Variants in GALC observed in about 807,000 individuals in gnomAD.
GALC encodes the protein galactosylceramidase.
GALC carries 77 observed loss-of-function variants against 91.8 expected under a neutral mutation model. The ratio of observed to expected loss-of-function variants is 0.84; its 90% CI spans 0.70 to 1.01. The LOEUF is 1.01. Among genes scored for constraint, GALC ranks in the 50% least tolerant of loss-of-function variants. The probability of loss-of-function intolerance (pLI) is 0.00; values close to 1 mark genes in which losing one functional copy is unlikely to be tolerated. For missense variants in GALC, 882 were observed against 855.9 expected (o/e 1.03, Z -0.38); for synonymous variants, 357 against 306.7 (o/e 1.16, Z -1.71).
chr14:87,945,487 CA>C, intron 14 of GALC, 65 bp downstream of exon 14: 1 of 1,218,310 alleles, frequency 8.2e-7, no homozygotes, highest in Non-Finnish European at 1.2e-6. Context: ...CTCTTCACTT[CA>C]AAATGTACCT....
chr14:87,958,708 C>T (rs924031494), intron 10 of GALC, among the ~76,000 whole-genome samples: 1 of 152,052 alleles, frequency 6.6e-6, no homozygotes, highest in Non-Finnish European at 1.5e-5. Flanking sequence ...CTATGACCAA[C>T]TAATTTTCAA....
At chr14:87,955,280 G>A in intron 10 of GALC, 1 of 691,824 alleles carries the variant, frequency 1.4e-6, no homozygotes, top group Non-Finnish European at 2.5e-6. Context: ...ATAAACGATA[G>A]GGTTTTTGCT....
Position 87,968,559 on chromosome 14 carries a change from G to A in GALC, c.753-69C>T, listed in dbSNP as rs1595218482. 24 of 1,416,546 alleles carry A rather than the reference G, an allele frequency of 1.7e-5. No homozygotes were observed. The East Asian group carries it at 5.5e-4, about 32-fold the overall frequency. The allele number at this position is 1,416,546 out of a possible 1,614,324, so 87.7% of individuals were successfully genotyped here. A position where few individuals can be genotyped will look rare whatever the true frequency, so the allele number is the denominator to read the frequency against. On this transcript the variant is annotated intron_variant, in intron 7 of 16. Coordinates refer to ENST00000261304, the MANE Select transcript of GALC (RefSeq NM_000153.4). Reference sequence around the variant, plus strand: ...GTGGCACTTATATACGTATAGATTTGTTGAGTATATAAAAATACGAGTCTT... The same window carrying A: ...GTGGCACTTATATACGTATAGATTTATTGAGTATATAAAAATACGAGTCTT...
intron 16 of GALC, among the ~76,000 whole-genome samples, chr14:87,935,802 A>T (rs1884545197): frequency 1.3e-5 from 2 of 152,002 alleles, no homozygotes; most frequent in Admixed American, 1.3e-4. Context: ...AATGGGCCTT[A>T]ATTTAGTTCT....
At chr14:87,958,490 A>T (rs1395828939) in intron 10 of GALC, among the ~76,000 whole-genome samples, 1 of 152,204 alleles carries the variant, frequency 6.6e-6, no homozygotes, top group Non-Finnish European at 1.5e-5. Context: ...TAGAAAACAC[A>T]ACCATAAAAT....
At chr14:87,977,891 G>A (rs1886569963) in intron 6 of GALC, among the ~76,000 whole-genome samples, 1 of 152,160 alleles carries the variant, frequency 6.6e-6, no homozygotes, top group Non-Finnish European at 1.5e-5. Flanking sequence ...GGCAGTCTAA[G>A]TTCATCTTTC....
chr14:87,990,899 G>A (rs1201205956), intron 1 of GALC, among the ~76,000 whole-genome samples: 1 of 152,204 alleles, frequency 6.6e-6, no homozygotes, highest in African/African-American at 2.4e-5. Flanking sequence ...AAGCCTTGGG[G>A]ACATTTCATC....
intron 6 of GALC, among the ~76,000 whole-genome samples, chr14:87,981,789 T>G (rs1404342104): frequency 6.6e-6 from 1 of 152,136 alleles, no homozygotes; most frequent in Non-Finnish European, 1.5e-5. Context: ...GAGAAACATG[T>G]ACTATAACAC....
intron 10 of GALC, among the ~76,000 whole-genome samples, chr14:87,957,586 T>G (rs1386151574): frequency 6.6e-6 from 1 of 152,196 alleles, no homozygotes; most frequent in East Asian, 1.9e-4. Context: ...TTGGCTTTAT[T>G]TTTGGGTTCT....
intron 8 of GALC, 65 bp downstream of exon 8, chr14:87,968,270 T>C (rs1389020697): frequency 7.2e-7 from 1 of 1,383,690 alleles, no homozygotes; most frequent in South Asian, 1.2e-5. Flanking sequence ...AATTCCATTT[T>C]TTTCTAACTC....
At position 87,934,753 on chromosome 14, in the gene GALC, A is replaced by G; in HGVS notation, c.2037T>C (p.Phe679=). 1.2e-6 allele frequency: 2 copies of G among 1,613,270 alleles called. No homozygotes were observed. The highest frequency in any genetic ancestry group is 2.2e-5 in the East Asian group (1 of 44,834). The part of the protein sequence containing the change: ...HSFEFAQFDN[F]LVEATR ...AGTATTAGCGTGTGGCTTCCACAAG[A>G]AAGTTGTCAAACTGTGCAAATTCAA... is the stretch of plus-strand genomic sequence containing the variant. Residue 679 remains phenylalanine, a synonymous_variant, in exon 17 of 17, where the codon TTT becomes TTC. Transcript: ENST00000261304.
At chr14:87,939,256 A>T (rs971082518) in intron 16 of GALC, among the ~76,000 whole-genome samples, 4 of 151,912 alleles carry the variant, frequency 2.6e-5, no homozygotes, top group African/African-American at 9.7e-5. Context: ...TGAGAGAACA[A>T]ATTCCAAAGT....
intron 10 of GALC, chr14:87,953,951 G>C: frequency 5.6e-6 from 9 of 1,609,658 alleles, no homozygotes; most frequent in Non-Finnish European, 7.6e-6. Context: ...AGGTTTTTCT[G>C]TAGAGGACTG....
rs183797958 is a variant in GALC, at chr14:87,986,989, C to T, written c.329-387G>A. 7.2e-5 allele frequency: 32 copies of T among 447,460 alleles called. 1 individual carries two copies. The highest frequency in any genetic ancestry group is 2.3e-4 in the Admixed American group (9 of 39,156). The allele number at this position is 447,460 out of a possible 1,614,324, so 27.7% of individuals were successfully genotyped here. A position where few individuals can be genotyped will look rare whatever the true frequency, so the allele number is the denominator to read the frequency against. ...ATTACCTCAACTTTCAGCTTTTCAA[C>T]GCTGGATATGAATCCCTGGACTCGT... On this transcript the variant is annotated intron_variant, in intron 3 of 16. Transcript: ENST00000261304.
At chr14:87,986,046 T>G (rs1414163810) in intron 4 of GALC, among the ~76,000 whole-genome samples, 1 of 152,234 alleles carries the variant, frequency 6.6e-6, no homozygotes, top group Non-Finnish European at 1.5e-5. Flanking sequence ...TATACAATTT[T>G]GTAACTAGTT....
chr14:87,959,455 C>T (rs1885705326), intron 10 of GALC: 1 of 152,248 alleles, frequency 6.6e-6, no homozygotes, highest in Admixed American at 6.5e-5. Flanking sequence ...CGTGGTGGCT[C>T]ACGCCCATAA....
Position 87,992,956 on chromosome 14 carries a change from A to G in GALC, c.195+14T>C. On this transcript the variant is annotated intron_variant, in intron 1 of 16. Transcript: ENST00000261304. ...CTTGCCGCCCCCCGCGTATCCCCGC[A>G]GCTTGCCGCTCACCCCGCCGCCGCT... The G allele has an allele frequency of 6.6e-7, 1 of 1,511,428 alleles. No homozygotes were observed. The highest frequency in any genetic ancestry group is 8.8e-7 in the Non-Finnish European group (1 of 1,138,460). The allele number at this position is 1,511,428 out of a possible 1,614,324, so 93.6% of individuals were successfully genotyped here. A position where few individuals can be genotyped will look rare whatever the true frequency, so the allele number is the denominator to read the frequency against.
At chr14:87,963,074 A>G (rs888197329) in intron 10 of GALC, among the ~76,000 whole-genome samples, 15 of 152,092 alleles carry the variant, frequency 9.9e-5, no homozygotes, top group Non-Finnish European at 1.9e-4. Context: ...GCCTCCATAT[A>G]CATATCAGGG....
intron 6 of GALC, among the ~76,000 whole-genome samples, chr14:87,980,155 G>T (rs1055941784): frequency 2.0e-5 from 3 of 152,136 alleles, no homozygotes; most frequent in Non-Finnish European, 2.9e-5. Context: ...GGCCGAGGCG[G>T]GCGGATCACA....
Sources: allele counts gnomAD v4.1 joint callset (sites outside exome capture counted in the v4.1 genomes callset), GRCh38; gene constraint gnomAD v4.1.1; transcripts MANE v1.5; gene names NCBI Gene and HGNC (gene_info 2026-07-23, HGNC 2026-07-21).